The following STPG1 variants were observed in gnomAD, a reference collection of about 807,000 sequenced individuals.
STPG1 encodes O(6)-methylguanine-induced apoptosis 2.
In STPG1, 33 loss-of-function variants were observed where a neutral mutation model predicts 40.1. The ratio of observed to expected loss-of-function variants is 0.82; its 90% CI spans 0.62 to 1.10. STPG1 has a LOEUF of 1.10. Ranked by LOEUF, STPG1 falls within the 50% of genes least tolerant of loss-of-function variation. The pLI is 0.00. For missense variants in STPG1, 396 were observed against 415.1 expected (o/e 0.95, Z 0.40); for synonymous variants, 150 against 155.0 (o/e 0.97, Z 0.24).
intron 8 of STPG1, among the ~76,000 whole-genome samples, chr1:24,360,212 A>T (rs988230978): frequency 3.9e-5 from 6 of 152,214 alleles, no homozygotes; most frequent in African/African-American, 1.4e-4. Flanking sequence ...TGGGAGGCCA[A>T]GACGGGCAGA....
chr1:24,409,978 T>C (rs1370205995), intron 1 of STPG1, among the ~76,000 whole-genome samples: 1 of 152,204 alleles, frequency 6.6e-6, no homozygotes, highest in Non-Finnish European at 1.5e-5. Flanking sequence ...GTTGCTAAGA[T>C]CTACAGTAAG....
At chr1:24,375,664 A>G (rs559118193) in intron 5 of STPG1, among the ~76,000 whole-genome samples, 2 of 152,344 alleles carry the variant, frequency 1.3e-5, no homozygotes, top group East Asian at 3.9e-4. Context: ...CAGACCTCAA[A>G]GCACAGTGTG....
chr1:24,361,045 T>C lies in STPG1; in HGVS notation c.738-4A>G. The C allele has an allele frequency of 6.2e-7, 1 of 1,601,148 alleles. No homozygotes were observed. Among genetic ancestry groups the C allele is most frequent in the South Asian group, 1.1e-5 (1 of 89,450 alleles). Reference sequence around the variant, plus strand: ...GAAGTTCAGGATGGGGTTTTTCCTTTGGGAAAGATAAAACGGGAAGATGTC... The same window carrying C: ...GAAGTTCAGGATGGGGTTTTTCCTTCGGGAAAGATAAAACGGGAAGATGTC... On this transcript the variant is annotated splice_polypyrimidine_tract_variant and splice_region_variant and intron_variant, in intron 7 of 8. Coordinates refer to ENST00000337248, the MANE Select transcript of STPG1 (RefSeq NM_001199013.2).
At chr1:24,392,916 G>A (rs1642842329) in intron 2 of STPG1, among the ~76,000 whole-genome samples, 1 of 152,102 alleles carries the variant, frequency 6.6e-6, no homozygotes, top group African/African-American at 2.4e-5. Context: ...GACAGAGGGT[G>A]GTTTGTATGG....
At chr1:24,385,850 T>G (rs1642482760) in intron 3 of STPG1, among the ~76,000 whole-genome samples, 1 of 152,216 alleles carries the variant, frequency 6.6e-6, no homozygotes, top group Non-Finnish European at 1.5e-5. Flanking sequence ...TATTTGTAAG[T>G]CCAAGGTGTT....
chr1:24,413,926 G>C (rs1456779837), upstream of STPG1: 3 of 152,250 alleles, frequency 2.0e-5, no homozygotes, highest in Non-Finnish European at 4.4e-5. Flanking sequence ...GAACTAATAA[G>C]AGGTTTATCT....
intron 4 of STPG1, 115 bp from the exon 5 acceptor site, chr1:24,379,938 A>G: frequency 9.8e-7 from 1 of 1,022,366 alleles, no homozygotes; most frequent in Non-Finnish European, 1.4e-6. Flanking sequence ...ATAAAAGGCG[A>G]AACTCTGGCA....
intron 7 of STPG1, among the ~76,000 whole-genome samples, chr1:24,366,733 C>A (rs2148682771): frequency 6.6e-6 from 1 of 152,268 alleles, no homozygotes; most frequent in East Asian, 1.9e-4. Flanking sequence ...TGCAGACACC[C>A]TTCTTTCGCT....
chr1:24,386,762 G>C (rs941097371), intron 3 of STPG1, among the ~76,000 whole-genome samples: 2 of 152,212 alleles, frequency 1.3e-5, no homozygotes, highest in African/African-American at 4.8e-5. Flanking sequence ...GCAAATCCCA[G>C]AGAACGAGAA....
chr1:24,375,546 G>A (rs1373518974), intron 5 of STPG1, among the ~76,000 whole-genome samples: 1 of 152,152 alleles, frequency 6.6e-6, no homozygotes, highest in Non-Finnish European at 1.5e-5. Context: ...CGGAGAGTTG[G>A]GGAGAGGAGC....
intron 5 of STPG1, among the ~76,000 whole-genome samples, chr1:24,376,024 T>TTTTTG (rs1181124889): frequency 6.6e-6 from 1 of 151,916 alleles, no homozygotes; most frequent in African/African-American, 2.4e-5. Flanking sequence ...TTGCATCTGG[T>TTTTTG]TTTTGTTTTG....
At chr1:24,405,767 A>G (rs1037889104) in intron 1 of STPG1, among the ~76,000 whole-genome samples, 2 of 152,084 alleles carry the variant, frequency 1.3e-5, no homozygotes, top group African/African-American at 4.8e-5. Flanking sequence ...TATCATTACG[A>G]AATACCCTGC....
In STPG1 at chr1:24,401,465, G is replaced by T; in HGVS notation, c.-68-9C>A. 8.6e-7 allele frequency: 1 copy of T among 1,157,662 alleles called. No individual in the cohort carries two copies. The allele number at this position is 1,157,662 out of a possible 1,614,324, so 71.7% of individuals were successfully genotyped here. A position where few individuals can be genotyped will look rare whatever the true frequency, so the allele number is the denominator to read the frequency against. ...CATGTTCTCCTAAGCACCTGAAACA[G>T]CAAAACACAGCATTTGTAGAGATCA... On this transcript the variant is annotated splice_polypyrimidine_tract_variant and intron_variant, in intron 1 of 8. Transcript: ENST00000337248.
rs1427818603 is a variant in STPG1, at chr1:24,401,409, T to C, written c.-21A>G. ...TCCATGTTAGCAAAATTCTGTGACG[T>C]GTTCCATTTGTTTGATGAAAAGTTC... On this transcript the variant is annotated 5_prime_UTR_variant, in exon 2 of 9. Transcript: ENST00000337248. The C allele has an allele frequency of 1.9e-6, 3 of 1,611,284 alleles. No homozygotes were observed. In the Middle Eastern group the frequency reaches 5.0e-4, roughly 266 times the overall value.
At chr1:24,394,055 C>T (rs912684700) in intron 2 of STPG1, among the ~76,000 whole-genome samples, 2 of 152,160 alleles carry the variant, frequency 1.3e-5, no homozygotes, top group Non-Finnish European at 2.9e-5. Context: ...AACGGGGTCC[C>T]CTGAGTAAGT....
At chr1:24,384,448 G>A (rs1280071182) in intron 3 of STPG1, among the ~76,000 whole-genome samples, 1 of 152,154 alleles carries the variant, frequency 6.6e-6, no homozygotes, top group Non-Finnish European at 1.5e-5. Context: ...TTTCAGAAGA[G>A]AAACCAGGGA....
intron 3 of STPG1, among the ~76,000 whole-genome samples, chr1:24,390,878 C>T (rs1298241316): frequency 1.2e-5 from 1 of 85,476 alleles, no homozygotes; most frequent in Non-Finnish European, 2.1e-5. Flanking sequence ...TGGTTCAATG[C>T]AGCCTCGACC....
chr1:24,371,045 CA>C (rs1250137189), intron 6 of STPG1, among the ~76,000 whole-genome samples: 4 of 152,034 alleles, frequency 2.6e-5, no homozygotes, highest in Admixed American at 2.0e-4. Context: ...AATTTGTGTA[CA>C]AAGCTTTAAG....
At position 24,391,553 on chromosome 1, in the gene STPG1, G is replaced by T; in HGVS notation, c.189+8C>A. On this transcript the variant is annotated splice_region_variant and intron_variant, in intron 3 of 8. Coordinates refer to ENST00000337248, the MANE Select transcript of STPG1 (RefSeq NM_001199013.2). ...AAAACGAAAGAACCCCTGAGACAAC[G>T]TCATTACCTTCTTATGAGGAAATCT... The T allele has an allele frequency of 1.3e-6, 2 of 1,484,058 alleles. No homozygotes were observed. The highest frequency in any genetic ancestry group is 1.8e-6 in the Non-Finnish European group (2 of 1,087,404). The allele number at this position is 1,484,058 out of a possible 1,614,324, so 91.9% of individuals were successfully genotyped here.
Sources: allele counts gnomAD v4.1 joint callset (sites outside exome capture counted in the v4.1 genomes callset), GRCh38; gene constraint gnomAD v4.1.1; transcripts MANE v1.5; gene names NCBI Gene and HGNC (gene_info 2026-07-23, HGNC 2026-07-21).